DCK: variants seen among roughly 807,000 people sequenced by gnomAD.
The protein encoded by DCK is deoxyadenosine kinase.
DCK carries 23 observed loss-of-function variants against 38.3 expected under a neutral mutation model. That is an observed-to-expected ratio of 0.60 (90% CI 0.43 to 0.85). The LOEUF is 0.85. Among genes scored for constraint, DCK ranks in the 40% least tolerant of loss-of-function variants. The pLI is 0.00. For synonymous variants in DCK, 108 were observed against 100.6 expected (o/e 1.07, Z -0.44); for missense variants, 259 against 304.4 (o/e 0.85, Z 1.11).
At chr4:71,022,615 C>CTT (rs373938314) in intron 3 of DCK, 55 bp downstream of exon 3, 3,335 of 719,582 alleles carry the variant, frequency 4.6e-3, no homozygotes, top group Non-Finnish European at 5.4e-3. Context: ...TAGAACTGGA[C>CTT]TTTTTTTTTT....
chr4:71,022,340 T>G (rs1244745528), intron 2 of DCK, 27 bp from the exon 3 acceptor site: 1 of 1,414,912 alleles, frequency 7.1e-7, no homozygotes, highest in Non-Finnish European at 9.4e-7. Context: ...ATTTTGCTTT[T>G]TATTTCTTTT....
At chr4:71,011,911 T>C (rs1045870259) in intron 2 of DCK, among the ~76,000 whole-genome samples, 2 of 152,366 alleles carry the variant, frequency 1.3e-5, no homozygotes, top group Admixed American at 1.3e-4. Context: ...TTCATAATCC[T>C]ACCACTCTGT....
intron 1 of DCK, 154 bp downstream of exon 1, chr4:70,994,080 G>T: frequency 1.5e-6 from 1 of 663,234 alleles, no homozygotes; most frequent in Non-Finnish European, 2.7e-6. Context: ...CCCACCCAGA[G>T]CATCCTTCCC....
intron 2 of DCK, among the ~76,000 whole-genome samples, chr4:71,017,335 C>T (rs1226990973): frequency 6.6e-6 from 1 of 152,176 alleles, no homozygotes; most frequent in Non-Finnish European, 1.5e-5. Flanking sequence ...GTTGGTGGGA[C>T]TGTAAACTAG....
intron 2 of DCK, among the ~76,000 whole-genome samples, chr4:71,016,444 A>G (rs1246864633): frequency 2.6e-4 from 40 of 152,334 alleles, no homozygotes; most frequent in Admixed American, 5.2e-4. Context: ...TTTAAAGTTC[A>G]TAAGGAACCA....
In DCK at chr4:70,993,708, T is replaced by A; in HGVS notation, c.-128T>A. Reference sequence around the variant, plus strand: ...ACCCCGACACCCGCCGGCGGGCCGGTGAGCTCACTAGCTGACCCGGCAGGT... The same window carrying A: ...ACCCCGACACCCGCCGGCGGGCCGGAGAGCTCACTAGCTGACCCGGCAGGT... On this transcript the variant is annotated 5_prime_UTR_variant, in exon 1 of 7. Coordinates refer to ENST00000286648, the MANE Select transcript of DCK (RefSeq NM_000788.3). 3 of 613,612 alleles carry A rather than the reference T, an allele frequency of 4.9e-6. No homozygotes were observed. Among genetic ancestry groups the A allele is most frequent in the Non-Finnish European group, 8.5e-6 (3 of 354,750 alleles). 38.0% of individuals were successfully genotyped at this position (613,612 alleles called of 1,614,324 possible).
chr4:71,006,870 C>A (rs1739958753), intron 2 of DCK, among the ~76,000 whole-genome samples: 1 of 151,822 alleles, frequency 6.6e-6, no homozygotes, highest in South Asian at 2.1e-4. Flanking sequence ...ATGCTAACAA[C>A]TTACTTTGAT....
intron 2 of DCK, among the ~76,000 whole-genome samples, chr4:71,005,736 A>T (rs2148913853): frequency 6.6e-6 from 1 of 152,026 alleles, no homozygotes; most frequent in South Asian, 2.1e-4. Context: ...TCCTGACCTC[A>T]GGTGATCCGC....
intron 2 of DCK, among the ~76,000 whole-genome samples, chr4:71,012,787 A>G (rs898308073): frequency 5.2e-5 from 8 of 152,386 alleles, no homozygotes; most frequent in Admixed American, 1.3e-4. Flanking sequence ...ATCAAAGACC[A>G]AAGGTAGATA....
chr4:71,029,048 C>T (rs565626207), intron 6 of DCK, among the ~76,000 whole-genome samples: 3 of 152,176 alleles, frequency 2.0e-5, no homozygotes, highest in South Asian at 2.1e-4. Context: ...TGAGCCACTG[C>T]GCCTGGCCTA....
At chr4:71,012,484 AC>A (rs1327934494) in intron 2 of DCK, among the ~76,000 whole-genome samples, 1 of 152,200 alleles carries the variant, frequency 6.6e-6, no homozygotes. Flanking sequence ...TGGGTCCCTG[AC>A]CCCCGAATAG....
Position 71,029,661 on chromosome 4 carries a change from A to G in DCK, c.*283A>G, listed in dbSNP as rs1195386319. On this transcript the variant is annotated 3_prime_UTR_variant, in exon 7 of 7. Coordinates refer to ENST00000286648, the MANE Select transcript of DCK (RefSeq NM_000788.3). ...AGTATCAGCATAGTGACTAAACTAC[A>G]TTATAAAAGATCCAGCTTCCTTCTG... The G allele has an allele frequency of 1.0e-5, 3 of 294,242 alleles. No individual in the cohort carries two copies. The highest frequency in any genetic ancestry group is 1.9e-5 in the Non-Finnish European group (3 of 160,156). The allele number at this position is 294,242 out of a possible 1,614,324, so 18.2% of individuals were successfully genotyped here.
At chr4:71,024,872 G>T (rs951229990) in intron 4 of DCK, among the ~76,000 whole-genome samples, 1 of 151,858 alleles carries the variant, frequency 6.6e-6, no homozygotes, top group Non-Finnish European at 1.5e-5. Flanking sequence ...TTTTTGAAAA[G>T]GTTTCTTAAA....
chr4:71,018,682 T>C lies in DCK; in HGVS notation c.208-3685T>C, dbSNP rs934620865. On this transcript the variant is annotated intron_variant, in intron 2 of 6. Coordinates refer to ENST00000286648, the MANE Select transcript of DCK (RefSeq NM_000788.3). ...ATTTTTTAGATTTTTTTTTTTTTTT[T>C]TTTTTTGAGACAAGAGTCTTGCTCT... Among the ~76,000 whole-genome samples, 52 of 149,548 alleles carry C rather than the reference T, an allele frequency of 3.5e-4. 1 individual carries two copies. Among genetic ancestry groups the C allele is most frequent in the African/African-American group, 1.2e-3 (50 of 40,680 alleles).
chr4:71,029,925 T>G lies in DCK; in HGVS notation c.*547T>G, dbSNP rs115880528. Reference sequence around the variant, plus strand: ...TTCTTAACAGTTTAGTCCCACCTCTTACTTCCTGCCTCAGTCTGCTTTCTC... The same window carrying G: ...TTCTTAACAGTTTAGTCCCACCTCTGACTTCCTGCCTCAGTCTGCTTTCTC... On this transcript the variant is annotated 3_prime_UTR_variant, in exon 7 of 7. Coordinates refer to ENST00000286648, the MANE Select transcript of DCK (RefSeq NM_000788.3). 2.1e-3 allele frequency: 318 copies of G among 152,862 alleles called. 1 individual carries two copies. The highest frequency in any genetic ancestry group is 5.9e-3 in the Admixed American group (90 of 15,310). The allele number at this position is 152,862 out of a possible 1,614,324, so 9.5% of individuals were successfully genotyped here.
chr4:71,027,595 GGCATAATGTCT>G (rs1740574375), intron 6 of DCK, among the ~76,000 whole-genome samples: 1 of 152,036 alleles, frequency 6.6e-6, no homozygotes, highest in African/African-American at 2.4e-5. Flanking sequence ...TTTCTTTTGT[GGCATAATGTCT>G]GCTGTTTAAT....
At chr4:70,994,580 T>A (rs554882262) in intron 1 of DCK, among the ~76,000 whole-genome samples, 2 of 152,252 alleles carry the variant, frequency 1.3e-5, no homozygotes, top group Non-Finnish European at 2.9e-5. Context: ...TATTGCTGAG[T>A]AGTATTCCAT....
Position 71,023,372 on chromosome 4 carries a change from G to T in DCK, c.402-187G>T, listed in dbSNP as rs538782332. Among the ~76,000 whole-genome samples the T allele has an allele frequency of 1.5e-4, 23 of 152,230 alleles. No individual in the cohort carries two copies. In the South Asian group the frequency reaches 4.4e-3, roughly 29 times the overall value. On this transcript the variant is annotated intron_variant, in intron 3 of 6. Coordinates refer to ENST00000286648, the MANE Select transcript of DCK (RefSeq NM_000788.3). ...TTAGAAGATCTTGGGGACTTAATGG[G>T]GTCCTCACTCCGTATTTTGAGAACC...
Position 71,030,878 on chromosome 4 carries a change from T to A in DCK, c.*1500T>A, listed in dbSNP as rs1264928115. 2.0e-5 allele frequency: 3 copies of A among 152,182 alleles called. No individual in the cohort carries two copies. Among genetic ancestry groups the A allele is most frequent in the African/African-American group, 7.2e-5 (3 of 41,462 alleles). 9.4% of individuals were successfully genotyped at this position (152,182 alleles called of 1,614,324 possible). A position where few individuals can be genotyped will look rare whatever the true frequency, so the allele number is the denominator to read the frequency against. On this transcript the variant is annotated 3_prime_UTR_variant, in exon 7 of 7. Coordinates refer to ENST00000286648, the MANE Select transcript of DCK (RefSeq NM_000788.3). ...AAAATTTGTAGAATTGAAAAGACGC[T>A]AATAAAAATTTATTATTTATTTGTC...
Sources: gnomAD v4.1 joint callset for allele counts (sites outside exome capture counted in the v4.1 genomes callset) on GRCh38, gnomAD v4.1.1 for gene constraint, MANE v1.5 for transcripts, NCBI Gene and HGNC (gene_info 2026-07-23, HGNC 2026-07-21) for gene names.